CLEC4A: variants seen among roughly 807,000 people sequenced by gnomAD.
CLEC4A encodes C-type lectin domain family 4 member A.
Under a neutral mutation model 32.7 loss-of-function variants are expected in CLEC4A, and 27 were observed. The observed-to-expected ratio is 0.83, with a 90% CI of 0.61 to 1.14. The LOEUF (loss-of-function observed/expected upper bound fraction) is 1.14, where lower values mean the gene tolerates loss of function less well. CLEC4A is among the 50% of genes most tolerant of loss of function. The pLI is 0.00. For synonymous variants in CLEC4A, 89 were observed against 93.7 expected (o/e 0.95, Z 0.29); for missense variants, 253 against 274.6 (o/e 0.92, Z 0.55).
chr12:8,130,599 C>T (rs1348742943), intron 3 of CLEC4A, among the ~76,000 whole-genome samples: 1 of 152,042 alleles, frequency 6.6e-6, no homozygotes, highest in Non-Finnish European at 1.5e-5. Flanking sequence ...CCAGGCTGTT[C>T]TTGAATTCCT....
At chr12:8,116,500 T>C in the CLEC4A span, among the ~76,000 whole-genome samples, 1 of 152,194 alleles carries the variant, frequency 6.6e-6, no homozygotes, top group East Asian at 1.9e-4. Flanking sequence ...TGATTAAATG[T>C]ATGATCATCT....
In CLEC4A at chr12:8,135,489, T is replaced by C. The variant is rs1047202922; in HGVS notation, c.299-96T>C. 1.1e-5 allele frequency: 15 copies of C among 1,306,018 alleles called. No homozygotes were observed. The Admixed American group carries it at 2.7e-4, about 23-fold the overall frequency. The allele number at this position is 1,306,018 out of a possible 1,614,324, so 80.9% of individuals were successfully genotyped here. ...CTGAGTGTGGAGGGGAGTTCCAGCT[T>C]CCATGTGCTCTCTCTTGGCTCTTAA... On this transcript the variant is annotated intron_variant, in intron 3 of 5. Transcript: ENST00000229332.
intron 3 of CLEC4A, among the ~76,000 whole-genome samples, chr12:8,130,920 A>G (rs1193675221): frequency 6.6e-6 from 1 of 152,174 alleles, no homozygotes; most frequent in Non-Finnish European, 1.5e-5. Flanking sequence ...ATCCCCATCC[A>G]GAACACCACG....
chr12:8,125,794 G>A, intron 2 of CLEC4A, 117 bp downstream of exon 2: 1 of 665,524 alleles, frequency 1.5e-6, no homozygotes, highest in Non-Finnish European at 2.6e-6. Context: ...AATTTTCTCT[G>A]GGGAGACATA....
At chr12:8,136,973 T>C (rs1948132576) in intron 5 of CLEC4A, 70 bp downstream of exon 5, 1 of 1,035,714 alleles carries the variant, frequency 9.7e-7, no homozygotes. Flanking sequence ...ATTCTAGCTA[T>C]CAGCTATAAA....
At chr12:8,137,143 G>A (rs1452453158) in intron 5 of CLEC4A, among the ~76,000 whole-genome samples, 2 of 152,042 alleles carry the variant, frequency 1.3e-5, no homozygotes, top group African/African-American at 4.8e-5. Context: ...ATTCAGCTAA[G>A]GTCACCCAGT....
the CLEC4A span, among the ~76,000 whole-genome samples, chr12:8,103,392 T>G: frequency 8.0e-6 from 1 of 124,306 alleles, no homozygotes; most frequent in Non-Finnish European, 1.7e-5. Context: ...TTTTTTTTTT[T>G]TTTTTTTTTT....
chr12:8,108,527 T>C, the CLEC4A span, among the ~76,000 whole-genome samples: 15 of 152,244 alleles, frequency 9.9e-5, no homozygotes. Context: ...CAATCACATA[T>C]TCTCCATCAG....
chr12:8,134,167 G>A, intron 3 of CLEC4A: 3 of 1,608,648 alleles, frequency 1.9e-6, no homozygotes, highest in Non-Finnish European at 1.7e-6. Context: ...TTCTCTTTCG[G>A]GCCTGCACGA....
At chr12:8,109,736 T>C in the CLEC4A span, among the ~76,000 whole-genome samples, 41 of 152,166 alleles carry the variant, frequency 2.7e-4, no homozygotes, top group Admixed American at 1.8e-3. Flanking sequence ...TATAAAGTAA[T>C]TGAAGTCCCT....
At chr12:8,131,813 GATATATATATCTATAT>G (rs1216367511) in intron 3 of CLEC4A, among the ~76,000 whole-genome samples, 2 of 82,268 alleles carry the variant, frequency 2.4e-5, no homozygotes, top group Non-Finnish European at 5.7e-5. Flanking sequence ...TACTCATGGA[GATATATATATCTATAT>G]ATATATATAT....
intron 2 of CLEC4A, among the ~76,000 whole-genome samples, chr12:8,128,825 T>C (rs902459338): frequency 6.6e-6 from 1 of 152,134 alleles, no homozygotes; most frequent in African/African-American, 2.4e-5. Flanking sequence ...AAGAAAATAA[T>C]GCCCTCTTGA....
At chr12:8,103,376 G>GTTTTTTTTTTTTTTTTTTTTTTT in the CLEC4A span, among the ~76,000 whole-genome samples, 2 of 56,504 alleles carry the variant, frequency 3.5e-5, no homozygotes, top group Non-Finnish European at 6.0e-5. Flanking sequence ...TCTTTCTGTT[G>GTTTTTTTTTTTTTTTTTTTTTTT]TTTTTTTTTT....
chr12:8,108,086 A>G, the CLEC4A span, among the ~76,000 whole-genome samples: 1 of 152,064 alleles, frequency 6.6e-6, no homozygotes, highest in Non-Finnish European at 1.5e-5. Context: ...GGTATATTGT[A>G]TATTTCTCAT....
the CLEC4A span, among the ~76,000 whole-genome samples, chr12:8,118,482 T>C: frequency 2.6e-5 from 4 of 151,930 alleles, no homozygotes; most frequent in Non-Finnish European, 5.9e-5. Context: ...ACAGGAAGCA[T>C]AGCAGCTTCT....
chr12:8,133,764 A>G lies in CLEC4A; in HGVS notation c.299-1821A>G, dbSNP rs951582680. On this transcript the variant is annotated intron_variant, in intron 3 of 5. Transcript: ENST00000229332. Reference sequence around the variant, plus strand: ...CCCTGTCCCCCATTCCTAGAAGGGCAGGCACCTCAGTTTGAATGCATGGGA... The same window carrying G: ...CCCTGTCCCCCATTCCTAGAAGGGCGGGCACCTCAGTTTGAATGCATGGGA... 39 of 1,586,132 alleles carry G rather than the reference A, an allele frequency of 2.5e-5. No individual in the cohort carries two copies. The African/African-American group carries it at 3.0e-4, about 12-fold the overall frequency.
At chr12:8,119,646 T>C (rs1947815026), upstream of CLEC4A, among the ~76,000 whole-genome samples, 1 of 152,260 alleles carries the variant, frequency 6.6e-6, no homozygotes, top group African/African-American at 2.4e-5. Flanking sequence ...AATTTCACAG[T>C]GAACAGAATG....
upstream of CLEC4A, among the ~76,000 whole-genome samples, chr12:8,119,896 G>A (rs768827661): frequency 2.6e-5 from 4 of 152,136 alleles, no homozygotes; most frequent in African/African-American, 9.7e-5. Context: ...GGTTTCCCAT[G>A]ATCCCTTCAG....
the CLEC4A span, among the ~76,000 whole-genome samples, chr12:8,117,019 T>C: frequency 6.6e-6 from 1 of 152,236 alleles, no homozygotes; most frequent in Non-Finnish European, 1.5e-5. Context: ...ACTAAAACTT[T>C]GGCTTTTGGT....
Sources: allele counts gnomAD v4.1 joint callset (sites outside exome capture counted in the v4.1 genomes callset), GRCh38; gene constraint gnomAD v4.1.1; transcripts MANE v1.5; gene names NCBI Gene and HGNC (gene_info 2026-07-23, HGNC 2026-07-21).